TBL1Y: variants seen among roughly 807,000 people sequenced by gnomAD.
The protein encoded by TBL1Y is F-box-like/WD repeat-containing protein TBL1Y.
In TBL1Y, 15 loss-of-function variants were observed where a neutral mutation model predicts 12.0. The observed-to-expected ratio is 1.25, with a 90% CI of 0.83 to 1.92. TBL1Y has a LOEUF of 1.92. Among genes scored for constraint, TBL1Y ranks in the 40% most tolerant of loss-of-function variants. The probability of loss-of-function intolerance (pLI) is 0.00; values close to 1 mark genes in which losing one functional copy is unlikely to be tolerated. For missense variants in TBL1Y, 148 were observed against 116.7 expected, an observed-to-expected ratio of 1.27 and a Z score of -1.24; for synonymous variants, 53 against 42.6, an observed-to-expected ratio of 1.24 and a Z score of -0.95.
intron 2 of TBL1Y, among the ~76,000 whole-genome samples, chrY:6,939,357 G>A: frequency 3.0e-5 from 1 of 33,210 alleles, no homozygotes; most frequent in South Asian, 7.0e-4. Flanking sequence ...GGCCCAGAGC[G>A]CTGATTGGGG....
At position 7,070,346 on chromosome Y, in the gene TBL1Y, G is replaced by T; in HGVS notation, c.590+18G>T. ...GCCTCTGGGTAAGGAAGTCAGGATGGGGGCACTCCAGGGTCAGGGAGACGC... is the reference window on the plus strand; with the variant it reads ...GCCTCTGGGTAAGGAAGTCAGGATGTGGGCACTCCAGGGTCAGGGAGACGC... On this transcript the variant is annotated intron_variant, in intron 9 of 18. Transcript: ENST00000383032. The T allele has an allele frequency of 2.5e-6, 1 of 396,421 alleles. No individual in the cohort carries two copies. Among genetic ancestry groups the T allele is most frequent in the Non-Finnish European group, 3.5e-6 (1 of 282,250 alleles).
chrY:6,958,546 C>G, intron 2 of TBL1Y, among the ~76,000 whole-genome samples: 1 of 32,658 alleles, frequency 3.1e-5, no homozygotes, highest in Admixed American at 2.8e-4. Context: ...GGACCTGCAC[C>G]AGCACTGGTC....
At chrY:6,971,890 T>G in intron 2 of TBL1Y, among the ~76,000 whole-genome samples, 1 of 33,854 alleles carries the variant, frequency 3.0e-5, no homozygotes, top group Admixed American at 2.7e-4. Flanking sequence ...ATTACAGGTG[T>G]GAGCCACTGA....
intron 2 of TBL1Y, among the ~76,000 whole-genome samples, chrY:6,958,718 G>A (rs2012088052): frequency 8.8e-5 from 3 of 33,960 alleles, no homozygotes; most frequent in Admixed American, 2.6e-4. Context: ...ATGACTGGAC[G>A]TGTACGTAAG....
chrY:6,924,039 C>T (rs2011803997), intron 2 of TBL1Y, among the ~76,000 whole-genome samples: 1 of 32,993 alleles, frequency 3.0e-5, no homozygotes, highest in African/African-American at 1.2e-4. Context: ...AGGTTAGCCT[C>T]GAACCCCTGA....
rs757328024 is a variant in TBL1Y at position 7,080,717 on chromosome Y, C to T, written c.956-15C>T. On this transcript the variant is annotated splice_polypyrimidine_tract_variant and intron_variant, in intron 13 of 18. Coordinates refer to ENST00000383032, the MANE Select transcript of TBL1Y (RefSeq NM_033284.2). ...CACAGTGAATAACTGCAGATGTCCT[C>T]CCTCCCTGCTGCAGCCCCCGCCCTT... is the stretch of plus-strand genomic sequence containing the variant. 1 of 396,327 alleles carries T rather than the reference C, an allele frequency of 2.5e-6. No individual in the cohort carries two copies. The highest frequency in any genetic ancestry group is 6.3e-5 in the African/African-American group (1 of 15,893).
At chrY:6,937,466 G>A (rs2011912628) in intron 2 of TBL1Y, among the ~76,000 whole-genome samples, 22 of 33,128 alleles carry the variant, frequency 6.6e-4, no homozygotes, top group Admixed American at 2.8e-3. Flanking sequence ...AGTCTCGGAA[G>A]ACTGAGGCAG....
intron 4 of TBL1Y, among the ~76,000 whole-genome samples, chrY:6,997,449 G>A (rs533227967): frequency 2.5e-3 from 84 of 33,423 alleles, no homozygotes; most frequent in African/African-American, 9.1e-3. Flanking sequence ...AAAATAAATC[G>A]GAGAAGGTTA....
chrY:7,013,449 T>C (rs1010966034), intron 4 of TBL1Y, among the ~76,000 whole-genome samples: 4 of 34,506 alleles, frequency 1.2e-4, no homozygotes, highest in African/African-American at 2.3e-4. Context: ...GCATTAGAGA[T>C]AATAAAACCC....
intron 7 of TBL1Y, among the ~76,000 whole-genome samples, chrY:7,062,369 C>T: frequency 2.9e-5 from 1 of 34,017 alleles, no homozygotes; most frequent in East Asian, 7.7e-4. Context: ...ATTACATCCT[C>T]GTTTGACCCA....
intron 3 of TBL1Y, among the ~76,000 whole-genome samples, chrY:6,992,653 A>T: frequency 8.9e-5 from 3 of 33,588 alleles, no homozygotes; most frequent in African/African-American, 2.3e-4. Flanking sequence ...CACTTGGTGG[A>T]GGAGGGTCTC....
At chrY:7,089,339 A>T (rs969848211) in intron 17 of TBL1Y, among the ~76,000 whole-genome samples, 8 of 33,949 alleles carry the variant, frequency 2.4e-4, no homozygotes, top group Non-Finnish European at 5.1e-4. Flanking sequence ...AATTGTATTC[A>T]TTCAGGTCAA....
intron 4 of TBL1Y, 49 bp downstream of exon 4, chrY:6,995,947 T>C: frequency 1.8e-4 from 6 of 33,249 alleles, no homozygotes; most frequent in African/African-American, 7.4e-4. Flanking sequence ...ATGTCTTTGA[T>C]GTGTAGATGT....
At chrY:7,062,757 C>G (rs769623755) in intron 7 of TBL1Y, among the ~76,000 whole-genome samples, 5 of 33,555 alleles carry the variant, frequency 1.5e-4, no homozygotes, top group African/African-American at 2.3e-4. Flanking sequence ...AATTTCCCCA[C>G]TGGAAATTTC....
intron 17 of TBL1Y, among the ~76,000 whole-genome samples, chrY:7,089,479 C>T (rs2013159894): frequency 3.1e-5 from 1 of 32,664 alleles, no homozygotes; most frequent in Non-Finnish European, 7.5e-5. Context: ...TGACCCCTGG[C>T]CTTACAGGTC....
At chrY:7,076,975 T>A in intron 13 of TBL1Y, among the ~76,000 whole-genome samples, 1 of 27,194 alleles carries the variant, frequency 3.7e-5, no homozygotes, top group Non-Finnish European at 8.5e-5. Context: ...TGCAGGAGTT[T>A]GGGAAGGGTG....
At chrY:6,911,220 G>A in intron 1 of TBL1Y, among the ~76,000 whole-genome samples, 1 of 34,826 alleles carries the variant, frequency 2.9e-5, no homozygotes, top group African/African-American at 1.1e-4. Context: ...CGCCGTGTGG[G>A]GAGTGTACGG....
chrY:6,996,103 T>C (rs2012409577), intron 4 of TBL1Y, among the ~76,000 whole-genome samples: 1 of 32,730 alleles, frequency 3.1e-5, no homozygotes, highest in Non-Finnish European at 7.4e-5. Context: ...GGCTGAGCGC[T>C]GCTGGCCTGT....
intron 2 of TBL1Y, among the ~76,000 whole-genome samples, chrY:6,924,006 A>T (rs778410717): frequency 6.1e-5 from 2 of 32,652 alleles, no homozygotes; most frequent in South Asian, 7.1e-4. Flanking sequence ...ATTTTTGTAG[A>T]GACAGGTCTT....
Sources: allele counts gnomAD v4.1 joint callset (sites outside exome capture counted in the v4.1 genomes callset), GRCh38; gene constraint gnomAD v4.1.1; transcripts MANE v1.5; gene names NCBI Gene and HGNC (gene_info 2026-07-23, HGNC 2026-07-21).